Variants in PPFIA3 observed in about 807,000 individuals in gnomAD.
The protein encoded by PPFIA3 is liprin-alpha-3.
PPFIA3 carries 26 observed loss-of-function variants against 145.8 expected under a neutral mutation model. That is an observed-to-expected ratio of 0.18 (90% confidence interval 0.13 to 0.25). The LOEUF (loss-of-function observed/expected upper bound fraction) is 0.25. Ranked by LOEUF, PPFIA3 falls within the 10% of genes least tolerant of loss-of-function variation. The pLI, the probability that PPFIA3 is intolerant of heterozygous loss-of-function variation, is 1.00. For synonymous variants in PPFIA3, 645 were observed against 661.4 expected (o/e 0.98, Z 0.38); for missense variants, 1,008 against 1,587.8 (o/e 0.63, Z 6.21).
Position 49,136,727 on chromosome 19 carries a change from T to C in PPFIA3, c.1669T>C (p.Trp557Arg). The change falls in exon 15 of 30, where the codon TGG becomes CGG. Residue 557 changes from tryptophan (W) to arginine (R), a missense_variant. Physicochemically the swap from Trp to Arg is moderately radical, Grantham distance 101. Transcript: ENST00000334186. ...SGVKEEPSKD[W>R]ERSAPAGSIP... ...CTCTGTCCCCACACAGGGATAGGATTGGGAGCGGTCTGCCCCTGCGGGCTC... is the reference window on the plus strand; with the variant it reads ...CTCTGTCCCCACACAGGGATAGGATCGGGAGCGGTCTGCCCCTGCGGGCTC... 6.6e-7 allele frequency: 1 copy of C among 1,507,982 alleles called. No individual in the cohort carries two copies. The allele number at this position is 1,507,982 out of a possible 1,614,324, so 93.4% of individuals were successfully genotyped here.
At chr19:49,132,423 A>G (rs181788695) in intron 7 of PPFIA3, among the ~76,000 whole-genome samples, 7 of 149,226 alleles carry the variant, frequency 4.7e-5, no homozygotes, top group Admixed American at 2.7e-4. Context: ...AAAAAAAAGA[A>G]AGAGAGAGAG....
At position 49,149,419 on chromosome 19, in the gene PPFIA3, TG is replaced by T; in HGVS notation, c.3354+96del. 1.9e-6 allele frequency: 3 copies of T among 1,587,266 alleles called. No homozygotes were observed. Among genetic ancestry groups the T allele is most frequent in the Non-Finnish European group, 1.7e-6 (2 of 1,156,956 alleles). On this transcript the variant is annotated intron_variant, in intron 27 of 29. Transcript: ENST00000334186. This position sits in a 1 kb window ranked among gnomAD's most constrained non-coding sequence, Gnocchi z 5.7. ...GGGCCTGACTATTAATGGTCACGGT[TG>T]GAGGCGGGGCCAGGAGAGGGGCGGG...
In PPFIA3 at chr19:49,149,990, C is replaced by A; in HGVS notation, c.3527-90C>A. 7.0e-7 allele frequency: 1 copy of A among 1,430,800 alleles called. No homozygotes were observed. Among genetic ancestry groups the A allele is most frequent in the Non-Finnish European group, 9.6e-7 (1 of 1,045,272 alleles). The allele number at this position is 1,430,800 out of a possible 1,614,324, so 88.6% of individuals were successfully genotyped here. The stretch of plus-strand genomic sequence containing the variant: ...ATGTGGAGCCCGGCGATCGTTGTGA[C>A]ATCGGGAAGGGAAGTCCAAAGGGAG... On this transcript the variant is annotated intron_variant, in intron 28 of 29. Coordinates refer to ENST00000334186, the MANE Select transcript of PPFIA3 (RefSeq NM_003660.4). This position sits in a 1 kb window ranked among gnomAD's most constrained non-coding sequence, Gnocchi z 5.7.
At chr19:49,140,710 A>C (rs1206421379) in intron 18 of PPFIA3, among the ~76,000 whole-genome samples, 6 of 121,866 alleles carry the variant, frequency 4.9e-5, no homozygotes, top group Non-Finnish European at 7.9e-5. Flanking sequence ...GCTGGAGTGC[A>C]GTGGTGCTAT....
In PPFIA3 at chr19:49,140,060, A is replaced by AC; in HGVS notation, c.2345dup (p.Gly783ArgfsTer14). On this transcript the variant is annotated frameshift_variant, in exon 18 of 30. Transcript: ENST00000334186. LOFTEE classifies it high-confidence loss of function. ...GCAAGAAAGAGAAGGGACGAATGGG[A>AC]CCCCCAGGCCGGGACAGCTCTTCTC... 6.2e-7 allele frequency: 1 copy of AC among 1,613,776 alleles called. No individual in the cohort carries two copies.
At chr19:49,134,272 T>G in intron 11 of PPFIA3, 107 bp downstream of exon 11, 1 of 1,421,124 alleles carries the variant, frequency 7.0e-7, no homozygotes, top group Non-Finnish European at 9.5e-7. Flanking sequence ...GAGGCCTCCC[T>G]AAACCCCGGC....
At chr19:49,129,819 G>C (rs1018343531) in intron 5 of PPFIA3, among the ~76,000 whole-genome samples, 174 bp from the exon 6 acceptor site, 3 of 152,172 alleles carry the variant, frequency 2.0e-5, no homozygotes, top group Non-Finnish European at 4.4e-5. Context: ...CAGCTAAGGA[G>C]GGATATAAGG....
At chr19:49,122,501 A>G (rs1008354376) in intron 1 of PPFIA3, among the ~76,000 whole-genome samples, 4 of 152,118 alleles carry the variant, frequency 2.6e-5, no homozygotes, top group African/African-American at 9.7e-5. Flanking sequence ...TGTTCATTTC[A>G]AGTGTGTTCC....
At chr19:49,135,040 T>G (rs565757493) in intron 13 of PPFIA3, 125 bp downstream of exon 13, 28 of 746,656 alleles carry the variant, frequency 3.8e-5, no homozygotes, top group South Asian at 3.6e-4. Context: ...TTGTTTTTTG[T>G]TTGTTTGTTT....
chr19:49,133,857 A>G lies in PPFIA3; in HGVS notation c.1223A>G (p.Glu408Gly). The G allele has an allele frequency of 6.2e-7, 1 of 1,612,808 alleles. No homozygotes were observed. The highest frequency in any genetic ancestry group is 8.5e-7 in the Non-Finnish European group (1 of 1,179,974). The change falls in exon 10 of 30, where the codon GAG becomes GGG. Residue 408 changes from glutamate (E) to glycine (G), a missense_variant. This residue lies in a region of PPFIA3 where 109 missense variants were observed against 198.1 expected (regional missense o/e 0.55). Transcript: ENST00000334186. This position sits in a 1 kb window ranked among gnomAD's most constrained non-coding sequence, Gnocchi z 7.2. ...CGGCAGCTGGAGGCCCAGCTGGAAG[A>G]GAAGAATCAAGAGCTGCAGCGGGTG... Reference protein sequence around the residue: ...RLRQLEAQLEEKNQELQRARQ... With the variant: ...RLRQLEAQLEGKNQELQRARQ...
chr19:49,135,032 GT>G, intron 13 of PPFIA3, 117 bp downstream of exon 13: 1 of 662,800 alleles, frequency 1.5e-6, no homozygotes, highest in South Asian at 2.6e-5. Flanking sequence ...CTCTGTTTTT[GT>G]TTTTTGTTTG....
At chr19:49,126,614 A>C (rs2041003082) in intron 1 of PPFIA3, among the ~76,000 whole-genome samples, 1 of 113,760 alleles carries the variant, frequency 8.8e-6, no homozygotes, top group Admixed American at 1.0e-4. Flanking sequence ...TTAGATTCTT[A>C]GGGAGCCGGG....
chr19:49,136,932 G>C, intron 15 of PPFIA3, 21 bp downstream of exon 15: 1 of 1,489,912 alleles, frequency 6.7e-7, no homozygotes, highest in Non-Finnish European at 9.0e-7. Context: ...GCCCCGCCCC[G>C]GCCTGCCCTG....
At chr19:49,125,966 T>G (rs2040992974) in intron 1 of PPFIA3, among the ~76,000 whole-genome samples, 1 of 152,132 alleles carries the variant, frequency 6.6e-6, no homozygotes, top group African/African-American at 2.4e-5. Context: ...TTTTGTTTTT[T>G]TTTGAGACTG....
rs764398771 is a variant in PPFIA3 at position 49,146,022 on chromosome 19, G to C, written c.2808+17G>C. 6.2e-7 allele frequency: 1 copy of C among 1,613,312 alleles called. No individual in the cohort carries two copies. The highest frequency in any genetic ancestry group is 1.7e-5 in the Admixed American group (1 of 60,006). ...ACCAAGCCCGTGAGTGCCCCCTGCC[G>C]GCCGCCTTGGGGGTGGCACTAACCT... On this transcript the variant is annotated intron_variant, in intron 22 of 29. Coordinates refer to ENST00000334186, the MANE Select transcript of PPFIA3 (RefSeq NM_003660.4).
chr19:49,120,403 G>A lies in PPFIA3; in HGVS notation c.-16+681G>A, dbSNP rs1313134405. Among the ~76,000 whole-genome samples, 1 of 152,162 alleles carries A rather than the reference G, an allele frequency of 6.6e-6. No homozygotes were observed. The highest frequency in any genetic ancestry group is 1.9e-4 in the East Asian group (1 of 5,190). On this transcript the variant is annotated intron_variant, in intron 1 of 29. Coordinates refer to ENST00000334186, the MANE Select transcript of PPFIA3 (RefSeq NM_003660.4). The surrounding 1 kb of genome is among the most constrained non-coding windows in gnomAD (Gnocchi z 4.6). ...GGCACCCCAGGTTCCTGGGACTCCA[G>A]CTGCTCCCTGAGGATCCAGGGCTTC... is the stretch of plus-strand genomic sequence containing the variant.
Position 49,120,044 on chromosome 19 carries a change from G to A in PPFIA3, c.-16+322G>A, listed in dbSNP as rs904619437. Among the ~76,000 whole-genome samples, 3 of 151,926 alleles carry A rather than the reference G, an allele frequency of 2.0e-5. No homozygotes were observed. Among genetic ancestry groups the A allele is most frequent in the Non-Finnish European group, 2.9e-5 (2 of 67,972 alleles). ...GTCCTGGGAGCTCCAGACACCCGCC[G>A]CGGCGGTGCCAGACTCCCCAGACGC... On this transcript the variant is annotated intron_variant, in intron 1 of 29. Coordinates refer to ENST00000334186, the MANE Select transcript of PPFIA3 (RefSeq NM_003660.4). The surrounding 1 kb of genome is among the most constrained non-coding windows in gnomAD (Gnocchi z 4.6).
intron 1 of PPFIA3, among the ~76,000 whole-genome samples, chr19:49,124,953 G>A (rs958830325): frequency 6.6e-6 from 1 of 152,160 alleles, no homozygotes; most frequent in Non-Finnish European, 1.5e-5. Context: ...TGTAGTCGCA[G>A]TTACTTGGGA....
At chr19:49,132,957 C>T (rs1339338028) in intron 7 of PPFIA3, 44 bp from the exon 8 acceptor site, 2 of 1,590,052 alleles carry the variant, frequency 1.3e-6, no homozygotes, top group South Asian at 1.1e-5. Flanking sequence ...CCGTCCTCTC[C>T]CCCAGGGGCT....
Sources: allele counts gnomAD v4.1 joint callset (sites outside exome capture counted in the v4.1 genomes callset), GRCh38; gene constraint gnomAD v4.1.1; regional missense constraint gnomAD v4.1.1; non-coding constraint Gnocchi (gnomAD v3.1); transcripts MANE v1.5; gene names NCBI Gene and HGNC (gene_info 2026-07-23, HGNC 2026-07-21).